CREBRF: variants seen among roughly 807,000 people sequenced by gnomAD.
The protein encoded by CREBRF is UPF0474 protein C5orf41.
CREBRF carries 5 observed loss-of-function variants against 66.1 expected under a neutral mutation model. The ratio of observed to expected loss-of-function variants is 0.08; its 90% CI spans 0.04 to 0.16. CREBRF has a LOEUF of 0.16. Among genes scored for constraint, CREBRF ranks in the 10% least tolerant of loss-of-function variants. The pLI, the probability that CREBRF is intolerant of heterozygous loss-of-function variation, is 1.00. For synonymous variants in CREBRF, 229 were observed against 264.4 expected (o/e 0.87, Z 1.30); for missense variants, 531 against 744.9 (o/e 0.71, Z 3.34).
intron 8 of CREBRF, among the ~76,000 whole-genome samples, chr5:173,126,446 T>C (rs1387184090): frequency 6.6e-6 from 1 of 152,206 alleles, no homozygotes; most frequent in Non-Finnish European, 1.5e-5. Flanking sequence ...TGGCCAGTTT[T>C]TTTTGTTTTA....
rs1357506827 is a variant in CREBRF at position 173,123,101 on chromosome 5, A to G, written c.1703A>G (p.Asn568Ser). 1 of 1,601,654 alleles carries G rather than the reference A, an allele frequency of 6.2e-7. No homozygotes were observed. Residue 568 changes from asparagine (N) to serine (S), a missense_variant, in exon 8 of 9, where the codon AAC becomes AGC. Physicochemically the swap from Asn to Ser is conservative, Grantham distance 46 (BLOSUM62 1). Transcript: ENST00000296953. Reference protein sequence around the residue: ...TEYDNLLFVINSIKQEIVNRV... With the variant: ...TEYDNLLFVISSIKQEIVNRV... ...ACAGATAATTTATTGTTTGTAATCA[A>G]CTCCATCAAGCAAGAGATTGTAAAC...
Position 173,080,650 on chromosome 5 carries a change from G to A in CREBRF, c.-126G>A. ...CAAGCAATTGAATTGGAAGCACTCT[G>A]GGGAAACCTGCTGTTTATTGTGGAA... On this transcript the variant is annotated 5_prime_UTR_variant, in exon 2 of 9. Coordinates refer to ENST00000296953, the MANE Select transcript of CREBRF (RefSeq NM_153607.3). The A allele has an allele frequency of 1.1e-6, 1 of 914,634 alleles. No individual in the cohort carries two copies. Among genetic ancestry groups the A allele is most frequent in the Non-Finnish European group, 1.7e-6 (1 of 572,498 alleles). 56.7% of individuals were successfully genotyped at this position (914,634 alleles called of 1,614,324 possible).
At chr5:173,079,465 T>TA (rs1362387247) in intron 1 of CREBRF, among the ~76,000 whole-genome samples, 35 of 143,560 alleles carry the variant, frequency 2.4e-4, no homozygotes, top group Non-Finnish European at 4.2e-4. Flanking sequence ...TCTGTCTTTT[T>TA]TAAAAAAAAA....
Position 173,138,758 on chromosome 5 carries a change from G to C in CREBRF, c.*5013G>C, listed in dbSNP as rs991700664. 3.9e-5 allele frequency: 6 copies of C among 152,068 alleles called. No individual in the cohort carries two copies. The highest frequency in any genetic ancestry group is 1.4e-4 in the African/African-American group (6 of 41,404). 9.4% of individuals were successfully genotyped at this position (152,068 alleles called of 1,614,324 possible). On this transcript the variant is annotated 3_prime_UTR_variant, in exon 9 of 9. Transcript: ENST00000296953. Reference sequence around the variant, plus strand: ...AAATGTGTATGTGTGTACTGTATCTGCCTTTCCACCACATTTTTATGACAC... The same window carrying C: ...AAATGTGTATGTGTGTACTGTATCTCCCTTTCCACCACATTTTTATGACAC...
In CREBRF at chr5:173,138,350, C is replaced by G. The variant is rs949738358; in HGVS notation, c.*4605C>G. On this transcript the variant is annotated 3_prime_UTR_variant, in exon 9 of 9. Coordinates refer to ENST00000296953, the MANE Select transcript of CREBRF (RefSeq NM_153607.3). ...TGAAAATGTACTACTGAAAGTTATA[C>G]ACTTCCATAGGCAAATGGGATTATG... The G allele has an allele frequency of 6.6e-6, 1 of 152,144 alleles. No individual in the cohort carries two copies. Among genetic ancestry groups the G allele is most frequent in the Non-Finnish European group, 1.5e-5 (1 of 68,018 alleles). The allele number at this position is 152,144 out of a possible 1,614,324, so 9.4% of individuals were successfully genotyped here.
At chr5:173,096,957 TTCA>T (rs1758493428) in intron 4 of CREBRF, among the ~76,000 whole-genome samples, 1 of 152,166 alleles carries the variant, frequency 6.6e-6, no homozygotes, top group African/African-American at 2.4e-5. Context: ...TAAATCCCAC[TTCA>T]TCATGATGTA....
At chr5:173,063,237 T>C (rs1757331710) in intron 1 of CREBRF, among the ~76,000 whole-genome samples, 1 of 152,172 alleles carries the variant, frequency 6.6e-6, no homozygotes. Flanking sequence ...ACTACTGCTT[T>C]CCGTACTTAA....
intron 7 of CREBRF, among the ~76,000 whole-genome samples, chr5:173,114,059 G>C (rs573244100): frequency 4.7e-4 from 72 of 152,174 alleles, no homozygotes; most frequent in Non-Finnish European, 8.5e-4. Flanking sequence ...GCACATAGGT[G>C]TTCAATAAAC....
chr5:173,113,304 CT>C lies in CREBRF; in HGVS notation c.1681+938del, dbSNP rs797012083. Among the ~76,000 whole-genome samples, 627 of 144,952 alleles carry C rather than the reference CT, an allele frequency of 4.3e-3. 3 individuals are homozygous for C. The highest frequency in any genetic ancestry group is 8.2e-3 in the African/African-American group (326 of 39,874). Reference sequence around the variant, plus strand: ...GCCGCTGCACCCAGCCAAGATTATTCTTTTTTTTTTTTTCTTCTTTTTGAGA... The same window carrying C: ...GCCGCTGCACCCAGCCAAGATTATTCTTTTTTTTTTTTCTTCTTTTTGAGA... On this transcript the variant is annotated intron_variant, in intron 7 of 8. Transcript: ENST00000296953.
chr5:173,085,859 G>T, intron 2 of CREBRF: 1 of 795,888 alleles, frequency 1.3e-6, no homozygotes. Flanking sequence ...AATAGTAGAG[G>T]GGTCATCTCT....
intron 1 of CREBRF, among the ~76,000 whole-genome samples, chr5:173,063,126 C>T (rs142865666): frequency 0.01 from 1,548 of 152,186 alleles, 19 homozygotes; most frequent in African/African-American, 0.035. Flanking sequence ...ACGCAGGGTG[C>T]GGCAGTAGTA....
intron 1 of CREBRF, among the ~76,000 whole-genome samples, chr5:173,068,834 C>A (rs1038190577): frequency 6.6e-6 from 1 of 151,486 alleles, no homozygotes; most frequent in Non-Finnish European, 1.5e-5. Context: ...TTTGGGAGGC[C>A]GAGGCAGGCG....
At chr5:173,086,127 A>C in intron 2 of CREBRF, 1 of 798,626 alleles carries the variant, frequency 1.3e-6, no homozygotes, top group South Asian at 1.3e-5. Flanking sequence ...TTCCGATGGA[A>C]ATTTGTTTGT....
intron 4 of CREBRF, among the ~76,000 whole-genome samples, chr5:173,108,081 C>G (rs1758790760): frequency 6.6e-6 from 1 of 151,850 alleles, no homozygotes; most frequent in Non-Finnish European, 1.5e-5. Flanking sequence ...ATCTACCTAT[C>G]TCAGCCTCCC....
intron 7 of CREBRF, among the ~76,000 whole-genome samples, chr5:173,118,824 AG>A (rs1759069303): frequency 6.6e-6 from 1 of 150,382 alleles, no homozygotes; most frequent in South Asian, 2.1e-4. Context: ...GTATTGCTTG[AG>A]GCCAAGAGTT....
At chr5:173,121,086 T>C (rs1759128664) in intron 7 of CREBRF, among the ~76,000 whole-genome samples, 1 of 152,198 alleles carries the variant, frequency 6.6e-6, no homozygotes, top group South Asian at 2.1e-4. Flanking sequence ...TATTTTCTTA[T>C]TATCCTTTTA....
intron 4 of CREBRF, among the ~76,000 whole-genome samples, chr5:173,098,301 C>G (rs1264400356): frequency 6.6e-6 from 1 of 152,040 alleles, no homozygotes; most frequent in Non-Finnish European, 1.5e-5. Context: ...ATTCTCCTGC[C>G]TCAGCCTCCT....
At chr5:173,067,779 A>G (rs1318087521) in intron 1 of CREBRF, among the ~76,000 whole-genome samples, 3 of 152,040 alleles carry the variant, frequency 2.0e-5, no homozygotes, top group African/African-American at 7.2e-5. Context: ...GGGTGGATCA[A>G]GAAGAGGTCA....
At chr5:173,117,901 TCTCA>T (rs1298149862) in intron 7 of CREBRF, among the ~76,000 whole-genome samples, 1 of 143,606 alleles carries the variant, frequency 7.0e-6, no homozygotes, top group African/African-American at 2.6e-5. Flanking sequence ...TGAGACGAAG[TCTCA>T]CTCTGTTGCC....
Sources: gnomAD v4.1 joint callset for allele counts (sites outside exome capture counted in the v4.1 genomes callset) on GRCh38, gnomAD v4.1.1 for gene constraint, MANE v1.5 for transcripts, NCBI Gene and HGNC (gene_info 2026-07-23, HGNC 2026-07-21) for gene names.